Variants in CHD7 observed in about 807,000 individuals in gnomAD.
CHD7 encodes ATP-dependent chromatin remodeler CHD7.
CHD7 carries 24 observed loss-of-function variants against 307.3 expected under a neutral mutation model. The observed-to-expected ratio is 0.08, with a 90% CI of 0.06 to 0.11. The LOEUF (loss-of-function observed/expected upper bound fraction) is 0.11. Among genes scored for constraint, CHD7 ranks in the 10% least tolerant of loss-of-function variants. CHD7 has a pLI of 1.00. For missense variants in CHD7, 3,106 were observed against 3,727.1 expected (o/e 0.83, Z 4.34); for synonymous variants, 1,363 against 1,349.9 (o/e 1.01, Z -0.21).
At chr8:60,813,193 C>CT (rs1812892180) in intron 7 of CHD7, among the ~76,000 whole-genome samples, 1 of 152,062 alleles carries the variant, frequency 6.6e-6, no homozygotes, top group Admixed American at 6.5e-5. Context: ...AACATATCCC[C>CT]TTATTGGTAA....
rs897240589 is a variant in CHD7 at position 60,822,758 on chromosome 8, C to T, written c.3201+12C>T. The T allele has an allele frequency of 6.2e-7, 1 of 1,600,146 alleles. No individual in the cohort carries two copies. The highest frequency in any genetic ancestry group is 1.3e-5 in the African/African-American group (1 of 74,590). The stretch of plus-strand genomic sequence containing the variant: ...TCAAAGATCCCCAGGTAAACCTTCA[C>T]AGGTTGTATTCTTTGTACTTACTCT... On this transcript the variant is annotated intron_variant, in intron 12 of 37. Transcript: ENST00000423902.
intron 1 of CHD7, among the ~76,000 whole-genome samples, chr8:60,715,568 C>T (rs1448272179): frequency 6.6e-6 from 1 of 152,006 alleles, no homozygotes; most frequent in African/African-American, 2.4e-5. Flanking sequence ...ATCCGCCTGC[C>T]TTGGCCTCCT....
At chr8:60,843,960 G>A (rs1336070688) in intron 21 of CHD7, among the ~76,000 whole-genome samples, 1 of 152,206 alleles carries the variant, frequency 6.6e-6, no homozygotes, top group Non-Finnish European at 1.5e-5. Context: ...GAGAGGCAGG[G>A]CCTGAGGGAG....
intron 6 of CHD7, among the ~76,000 whole-genome samples, chr8:60,807,023 C>T (rs553167363): frequency 2.0e-5 from 3 of 151,936 alleles, no homozygotes; most frequent in East Asian, 3.9e-4. Flanking sequence ...AATCCTATCT[C>T]AGAAAAGAAA....
intron 2 of CHD7, among the ~76,000 whole-genome samples, chr8:60,766,776 G>A (rs1267506663): frequency 7.9e-5 from 12 of 152,228 alleles, no homozygotes; most frequent in Non-Finnish European, 1.5e-5. Flanking sequence ...CCTTAAATTT[G>A]AGGTGCCTGC....
intron 1 of CHD7, among the ~76,000 whole-genome samples, chr8:60,681,916 A>C (rs1805649022): frequency 6.6e-6 from 1 of 152,212 alleles, no homozygotes; most frequent in Non-Finnish European, 1.5e-5. Flanking sequence ...AAAGACTGGT[A>C]TATGAATTTT....
At chr8:60,755,110 A>G (rs913913941) in intron 2 of CHD7, among the ~76,000 whole-genome samples, 1 of 152,300 alleles carries the variant, frequency 6.6e-6, no homozygotes, top group East Asian at 1.9e-4. Context: ...TATCCCACTT[A>G]AGATTTTTAT....
chr8:60,683,969 A>G (rs1439602430), intron 1 of CHD7, among the ~76,000 whole-genome samples: 1 of 151,754 alleles, frequency 6.6e-6, no homozygotes, highest in Non-Finnish European at 1.5e-5. Context: ...TTATTTCAAG[A>G]TTTGACAACT....
chr8:60,781,524 GAC>G (rs1811231576), intron 3 of CHD7, 94 bp downstream of exon 3: 1 of 1,409,168 alleles, frequency 7.1e-7, no homozygotes, highest in African/African-American at 1.5e-5. Flanking sequence ...GGTGGGAGGG[GAC>G]ACAATGATTT....
At position 60,856,558 on chromosome 8, in the gene CHD7, G is replaced by A. The variant is rs187311127; in HGVS notation, c.7278G>A (p.Gln2426=). The A allele has an allele frequency of 2.5e-4, 398 of 1,614,028 alleles. 1 individual carries two copies. The African/African-American group carries it at 4.8e-3, about 19-fold the overall frequency. ...GAAATCTCATGGAGATGGTTGCCCAGCTTCGAGAGTCTCAGGTGGTCTCAG... is the reference window on the plus strand; with the variant it reads ...GAAATCTCATGGAGATGGTTGCCCAACTTCGAGAGTCTCAGGTGGTCTCAG... ...KRRNLMEMVA[Q]LRESQVVSEN... The change falls in exon 34 of 38, where the codon CAG becomes CAA. Residue 2426 remains glutamine (Q), a synonymous_variant. Coordinates refer to ENST00000423902, the MANE Select transcript of CHD7 (RefSeq NM_017780.4).
chr8:60,705,261 C>T (rs144841926), intron 1 of CHD7, among the ~76,000 whole-genome samples: 167 of 152,200 alleles, frequency 1.1e-3, no homozygotes, highest in African/African-American at 3.5e-3. Context: ...TGAACTTGCG[C>T]GTTTGGCTTT....
chr8:60,751,645 C>G (rs573283171), intron 2 of CHD7, among the ~76,000 whole-genome samples: 7 of 152,314 alleles, frequency 4.6e-5, no homozygotes, highest in African/African-American at 1.7e-4. Flanking sequence ...TGTACTTGTC[C>G]TTTTGCCTTG....
intron 37 of CHD7, 81 bp downstream of exon 37, chr8:60,862,733 A>G (rs886347053): frequency 4.2e-6 from 4 of 941,298 alleles, no homozygotes; most frequent in African/African-American, 3.3e-5. Flanking sequence ...TCTGTTGGCC[A>G]TTAATTATTC....
intron 34 of CHD7, 28 bp downstream of exon 34, chr8:60,856,916 G>A (rs552487364): frequency 4.0e-6 from 6 of 1,518,870 alleles, no homozygotes; most frequent in East Asian, 4.5e-5. Flanking sequence ...CCTGCATGGC[G>A]ATTGCACGTG....
intron 23 of CHD7, among the ~76,000 whole-genome samples, chr8:60,848,275 C>G (rs948680902): frequency 4.2e-4 from 64 of 152,332 alleles, no homozygotes; most frequent in African/African-American, 1.5e-3. Context: ...CTGGGCTGGG[C>G]TGAGCTCGGG....
intron 4 of CHD7, among the ~76,000 whole-genome samples, chr8:60,798,992 A>G (rs1812164406): frequency 6.6e-6 from 1 of 152,172 alleles, no homozygotes; most frequent in African/African-American, 2.4e-5. Context: ...ATAGCTATTA[A>G]TAATCTGTTG....
rs775998353 is a variant in CHD7 at position 60,816,433 on chromosome 8, G to T, written c.2545G>T (p.Asp849Tyr). 1 of 1,610,248 alleles carries T rather than the reference G, an allele frequency of 6.2e-7. No individual in the cohort carries two copies. The highest frequency in any genetic ancestry group is 8.5e-7 in the Non-Finnish European group (1 of 1,178,008). Residue 849 changes from aspartate (D) to tyrosine (Y), a missense_variant, in exon 8 of 38, where the codon GAT (aspartate) becomes TAT (tyrosine). Transcript: ENST00000423902. ...GGCATCTATAGAAGATCTGGAAAAA[G>T]ATAAGAGAATTCAGCAAAAAATTAA... ...QWASIEDLEK[D>Y]KRIQQKIKRF...
chr8:60,822,273 A>G (rs1804077409), intron 11 of CHD7, 128 bp downstream of exon 11: 1 of 776,412 alleles, frequency 1.3e-6, no homozygotes, highest in African/African-American at 1.8e-5. Flanking sequence ...ACAAGCATTG[A>G]AAATATATGT....
At chr8:60,806,995 A>G (rs935886316) in intron 6 of CHD7, among the ~76,000 whole-genome samples, 16 of 152,204 alleles carry the variant, frequency 1.1e-4, no homozygotes, top group African/African-American at 3.9e-4. Context: ...ACTCCACTCA[A>G]GCCTGGGTGA....
Sources: allele counts gnomAD v4.1 joint callset (sites outside exome capture counted in the v4.1 genomes callset), GRCh38; gene constraint gnomAD v4.1.1; transcripts MANE v1.5; gene names NCBI Gene and HGNC (gene_info 2026-07-23, HGNC 2026-07-21).